Variants in ZDHHC2 observed in about 807,000 individuals in gnomAD.
ZDHHC2 encodes the protein palmitoyltransferase ZDHHC2.
In ZDHHC2, 51 loss-of-function variants were observed where a neutral mutation model predicts 55.6. That is an observed-to-expected ratio of 0.92 (90% CI 0.73 to 1.16). ZDHHC2 has a LOEUF of 1.16. Among genes scored for constraint, ZDHHC2 ranks in the 50% most tolerant of loss-of-function variants. The pLI is 0.00. For synonymous variants in ZDHHC2, 199 were observed against 152.9 expected (o/e 1.30, Z -2.22); for missense variants, 491 against 442.4 (o/e 1.11, Z -0.99).
chr8:17,215,496 A>C, intron 11 of ZDHHC2, 147 bp downstream of exon 11: 1 of 726,466 alleles, frequency 1.4e-6, no homozygotes, highest in Non-Finnish European at 2.3e-6. Context: ...TTTTCAAAGA[A>C]CTATTTATGA....
At chr8:17,210,367 A>G in intron 9 of ZDHHC2, 21 bp from the exon 10 acceptor site, 4 of 1,603,762 alleles carry the variant, frequency 2.5e-6, no homozygotes, top group Non-Finnish European at 2.6e-6. Context: ...GTTCAGTTCT[A>G]AATTTTTATT....
At chr8:17,212,419 TC>T (rs1472352079) in intron 10 of ZDHHC2, among the ~76,000 whole-genome samples, 1 of 152,180 alleles carries the variant, frequency 6.6e-6, no homozygotes, top group East Asian at 1.9e-4. Context: ...ATTAGTGACC[TC>T]CATTCTCCCA....
At chr8:17,181,230 T>G (rs1421418058) in intron 1 of ZDHHC2, among the ~76,000 whole-genome samples, 2 of 152,198 alleles carry the variant, frequency 1.3e-5, no homozygotes, top group African/African-American at 4.8e-5. Flanking sequence ...CATGGTCTGT[T>G]TGTCTAAGTC....
At chr8:17,215,540 A>G (rs1807607611) in intron 11 of ZDHHC2, among the ~76,000 whole-genome samples, 191 bp downstream of exon 11, 2 of 152,222 alleles carry the variant, frequency 1.3e-5, no homozygotes, top group Admixed American at 6.5e-5. Flanking sequence ...GCAGAAAATC[A>G]TTTTGTGAAA....
At chr8:17,195,787 C>G (rs1806276159) in intron 4 of ZDHHC2, among the ~76,000 whole-genome samples, 163 bp downstream of exon 4, 1 of 152,128 alleles carries the variant, frequency 6.6e-6, no homozygotes, top group African/African-American at 2.4e-5. Flanking sequence ...TTCCATAAAA[C>G]AGAATGGAAA....
At chr8:17,199,491 T>TCTTCGTCTTCGTCTTCG (rs1806524908) in intron 6 of ZDHHC2, among the ~76,000 whole-genome samples, 3 of 37,300 alleles carry the variant, frequency 8.0e-5, no homozygotes, top group African/African-American at 2.4e-4. Flanking sequence ...CTTCTTCTTC[T>TCTTCGTCTTCGTCTTCG]TCTTCTTCTT....
intron 4 of ZDHHC2, among the ~76,000 whole-genome samples, chr8:17,196,089 T>C (rs1257062221): frequency 6.6e-6 from 1 of 152,246 alleles, no homozygotes; most frequent in Non-Finnish European, 1.5e-5. Context: ...ATTTTTTATC[T>C]ATCTTTAAAA....
intron 10 of ZDHHC2, among the ~76,000 whole-genome samples, chr8:17,214,180 G>A (rs1807528636): frequency 6.6e-6 from 1 of 152,090 alleles, no homozygotes; most frequent in South Asian, 2.1e-4. Flanking sequence ...TTTCCTAAGT[G>A]AAATATTTTT....
chr8:17,163,336 C>T (rs925511528), intron 1 of ZDHHC2, among the ~76,000 whole-genome samples: 6 of 152,160 alleles, frequency 3.9e-5, no homozygotes, highest in African/African-American at 7.2e-5. Context: ...GAGGTGGTTG[C>T]GCCCACATCT....
chr8:17,203,375 C>T (rs2093796292), intron 6 of ZDHHC2, among the ~76,000 whole-genome samples: 2 of 152,098 alleles, frequency 1.3e-5, no homozygotes, highest in Non-Finnish European at 2.9e-5. Flanking sequence ...GAACTACAGC[C>T]ATGTGCCACC....
At chr8:17,159,598 C>G (rs11783332) in intron 1 of ZDHHC2, among the ~76,000 whole-genome samples, 2,625 of 152,216 alleles carry the variant, frequency 0.017, 40 homozygotes, top group Non-Finnish European at 0.027. Context: ...TCTCTAGGCA[C>G]TTTTTCAGTT....
intron 6 of ZDHHC2, among the ~76,000 whole-genome samples, chr8:17,203,365 G>A (rs1028955579): frequency 6.6e-5 from 10 of 152,066 alleles, no homozygotes; most frequent in African/African-American, 2.4e-4. Context: ...CGAGTAGCTG[G>A]AACTACAGCC....
At chr8:17,194,948 A>T (rs1806230687) in intron 3 of ZDHHC2, among the ~76,000 whole-genome samples, 1 of 152,278 alleles carries the variant, frequency 6.6e-6, no homozygotes, top group Middle Eastern at 3.4e-3. Context: ...CAGAAGCCCA[A>T]ATTTTCTTTT....
chr8:17,199,020 T>C (rs2904670), intron 6 of ZDHHC2, among the ~76,000 whole-genome samples: 95,867 of 152,056 alleles, frequency 0.63, 34,063 homozygotes, highest in Non-Finnish European at 0.8. Flanking sequence ...TTCATCTCAG[T>C]GTAGGCATAT....
chr8:17,199,256 C>G (rs1237533648), intron 6 of ZDHHC2, among the ~76,000 whole-genome samples: 2 of 152,174 alleles, frequency 1.3e-5, no homozygotes, highest in African/African-American at 4.8e-5. Context: ...CAGTATACCT[C>G]TTTCTTTTCT....
chr8:17,201,765 G>A (rs1039217614), intron 6 of ZDHHC2, among the ~76,000 whole-genome samples: 5 of 151,600 alleles, frequency 3.3e-5, no homozygotes, highest in African/African-American at 1.2e-4. Flanking sequence ...CAAAGTGGTA[G>A]GATTACAGGC....
chr8:17,223,837 C>T lies in ZDHHC2; in HGVS notation c.*3616C>T, dbSNP rs900626201. The T allele has an allele frequency of 1.3e-5, 2 of 151,692 alleles. No homozygotes were observed. Among genetic ancestry groups the T allele is most frequent in the African/African-American group, 4.8e-5 (2 of 41,380 alleles). The allele number at this position is 151,692 out of a possible 1,614,324, so 9.4% of individuals were successfully genotyped here. On this transcript the variant is annotated 3_prime_UTR_variant, in exon 13 of 13. Transcript: ENST00000262096. Reference sequence around the variant, plus strand: ...TGTTAAACCTTATAATGTTGCAAACCATGCATTTTCCTTTTCTCTTTTCCA... The same window carrying T: ...TGTTAAACCTTATAATGTTGCAAACTATGCATTTTCCTTTTCTCTTTTCCA...
intron 1 of ZDHHC2, chr8:17,157,607 AT>A (rs1207196716): frequency 6.6e-6 from 1 of 152,212 alleles, no homozygotes; most frequent in Non-Finnish European, 1.5e-5. Flanking sequence ...GAAGATTAAA[AT>A]TTTTTAAAAA....
intron 1 of ZDHHC2, among the ~76,000 whole-genome samples, chr8:17,179,187 A>C (rs1394744566): frequency 2.0e-5 from 3 of 152,118 alleles, no homozygotes; most frequent in Admixed American, 6.6e-5. Flanking sequence ...CCTGGCCTCA[A>C]AACTATGCTC....
Sources: allele counts gnomAD v4.1 joint callset (sites outside exome capture counted in the v4.1 genomes callset), GRCh38; gene constraint gnomAD v4.1.1; transcripts MANE v1.5; gene names NCBI Gene and HGNC (gene_info 2026-07-23, HGNC 2026-07-21).